SGK3: variants seen among roughly 807,000 people sequenced by gnomAD.
The protein encoded by SGK3 is serum/glucocorticoid regulated kinase family member 3.
In SGK3, 47 loss-of-function variants were observed where a neutral mutation model predicts 68.5. That is an observed-to-expected ratio of 0.69 (90% CI 0.54 to 0.87). SGK3 has a LOEUF of 0.87. Ranked by LOEUF, SGK3 falls within the 40% of genes least tolerant of loss-of-function variation. The pLI, the probability that SGK3 is intolerant of heterozygous loss-of-function variation, is 0.00. For synonymous variants in SGK3, 181 were observed against 189.1 expected, an observed-to-expected ratio of 0.96 and a Z score of 0.35; for missense variants, 479 against 575.5, an observed-to-expected ratio of 0.83 and a Z score of 1.72.
chr8:66,760,846 A>T (rs1289437504), intron 1 of SGK3, among the ~76,000 whole-genome samples: 1 of 152,124 alleles, frequency 6.6e-6, no homozygotes, highest in Admixed American at 6.6e-5. Flanking sequence ...TTTGTCACAC[A>T]GGACATTATA....
At chr8:66,792,329 C>CA (rs1215954300) in intron 1 of SGK3, among the ~76,000 whole-genome samples, 6,124 of 52,986 alleles carry the variant, frequency 0.12, 222 homozygotes, top group South Asian at 0.16. Context: ...AACTCCATCT[C>CA]AAAAAAAAAA....
chr8:66,767,618 G>A (rs774159939), intron 1 of SGK3: 1 of 1,365,384 alleles, frequency 7.3e-7, no homozygotes, highest in Non-Finnish European at 1.0e-6. Flanking sequence ...TCTTCAGGCA[G>A]GTCAAAACTC....
chr8:66,735,567 C>G (rs1805295611), intron 1 of SGK3, among the ~76,000 whole-genome samples: 1 of 152,046 alleles, frequency 6.6e-6, no homozygotes, highest in African/African-American at 2.4e-5. Context: ...TGGCATTTGC[C>G]CCTAAGCCTT....
chr8:66,750,842 C>CA (rs976625139), intron 1 of SGK3, among the ~76,000 whole-genome samples: 1 of 148,950 alleles, frequency 6.7e-6, no homozygotes, highest in African/African-American at 2.5e-5. Flanking sequence ...CCATCTCTAC[C>CA]AAAAAATATA....
At chr8:66,716,498 A>G (rs1261956689) in intron 1 of SGK3, among the ~76,000 whole-genome samples, 1 of 132,558 alleles carries the variant, frequency 7.5e-6, no homozygotes, top group Non-Finnish European at 1.5e-5. Context: ...AAACCTGCCT[A>G]AGTTCACCTC....
intron 1 of SGK3, among the ~76,000 whole-genome samples, chr8:66,768,707 G>C (rs1486628263): frequency 6.6e-6 from 1 of 152,104 alleles, no homozygotes. Context: ...TGGAATTACT[G>C]GCGTGTGCCA....
At chr8:66,721,656 A>G (rs997100963) in intron 1 of SGK3, among the ~76,000 whole-genome samples, 1 of 151,746 alleles carries the variant, frequency 6.6e-6, no homozygotes, top group Non-Finnish European at 1.5e-5. Context: ...AAGCATTGGC[A>G]TGAACTATAA....
At chr8:66,827,486 T>C (rs1294649424) in intron 6 of SGK3, among the ~76,000 whole-genome samples, 1 of 151,722 alleles carries the variant, frequency 6.6e-6, no homozygotes, top group Non-Finnish European at 1.5e-5. Context: ...ATATATTATA[T>C]AGAACACTAG....
At chr8:66,828,576 T>A in intron 6 of SGK3, 78 bp from the exon 7 acceptor site, 1 of 1,596,564 alleles carries the variant, frequency 6.3e-7, no homozygotes, top group South Asian at 1.1e-5. Flanking sequence ...GGTACAGTTA[T>A]AAATACTTTA....
chr8:66,747,816 T>G (rs1805695064), intron 1 of SGK3, among the ~76,000 whole-genome samples: 1 of 152,218 alleles, frequency 6.6e-6, no homozygotes, highest in African/African-American at 2.4e-5. Context: ...TCTTTTAAAC[T>G]TTTAGCCACT....
In SGK3 at chr8:66,839,845, G is replaced by A. The variant is rs555328090; in HGVS notation, c.742-158G>A. The A allele has an allele frequency of 7.4e-4, 460 of 619,022 alleles. 3 individuals carry two copies. The South Asian group carries it at 0.01, about 14-fold the overall frequency. 38.3% of individuals were successfully genotyped at this position (619,022 alleles called of 1,614,324 possible). ...TTGTTAGGTGGGGACATGGATGAAG[G>A]GGAGTCACATTTCTGTGCCTTGTTA... is the stretch of plus-strand genomic sequence containing the variant. On this transcript the variant is annotated intron_variant, in intron 10 of 16. Transcript: ENST00000521198.
chr8:66,822,462 A>G lies in SGK3; in HGVS notation c.417+3A>G. 4 of 1,610,442 alleles carry G rather than the reference A, an allele frequency of 2.5e-6. No homozygotes were observed. Among genetic ancestry groups the G allele is most frequent in the East Asian group, 2.2e-5 (1 of 44,732 alleles). On this transcript the variant is annotated splice_donor_region_variant and intron_variant, in intron 6 of 16. Transcript: ENST00000521198. ...AGGATGAAAGAAGTTCTCAGAAGGT[A>G]GTAAGAGGAATTGCCTTTCTTAATA...
intron 16 of SGK3, among the ~76,000 whole-genome samples, chr8:66,853,588 A>G (rs888971888): frequency 2.0e-5 from 3 of 152,224 alleles, no homozygotes; most frequent in African/African-American, 4.8e-5. Flanking sequence ...TTCAAAATCT[A>G]ACAGGTTGCA....
chr8:66,770,309 C>A (rs1806466900), intron 1 of SGK3, among the ~76,000 whole-genome samples: 1 of 152,146 alleles, frequency 6.6e-6, no homozygotes, highest in Non-Finnish European at 1.5e-5. Flanking sequence ...TCTTTGCATG[C>A]CTTGTAATAC....
chr8:66,731,860 T>C (rs1488564209), intron 1 of SGK3, among the ~76,000 whole-genome samples: 1 of 152,188 alleles, frequency 6.6e-6, no homozygotes, highest in Admixed American at 6.5e-5. Context: ...ATGTAACTTA[T>C]GTTTAGTGGT....
chr8:66,761,811 C>T (rs1316829301), intron 1 of SGK3, among the ~76,000 whole-genome samples: 3 of 152,002 alleles, frequency 2.0e-5, no homozygotes, highest in Non-Finnish European at 4.4e-5. Context: ...AAAAAACCCA[C>T]CTTTTTATTA....
intron 3 of SGK3, among the ~76,000 whole-genome samples, chr8:66,800,714 A>G (rs1005485312): frequency 3.9e-4 from 60 of 152,198 alleles, no homozygotes; most frequent in African/African-American, 1.4e-3. Context: ...CTAATATTCA[A>G]ATCACTTGCT....
At chr8:66,839,918 G>A (rs1809729829) in intron 10 of SGK3, 85 bp from the exon 11 acceptor site, 1 of 1,266,902 alleles carries the variant, frequency 7.9e-7, no homozygotes, top group Non-Finnish European at 1.1e-6. Context: ...TCCTACCTTT[G>A]TATTTACCGA....
intron 3 of SGK3, 101 bp downstream of exon 3, chr8:66,798,726 AAT>A (rs1353873848): frequency 1.0e-6 from 1 of 982,898 alleles, no homozygotes; most frequent in Non-Finnish European, 1.5e-6. Flanking sequence ...CTCATATGTT[AAT>A]ATGTCAGACA....
Sources: allele counts gnomAD v4.1 joint callset (sites outside exome capture counted in the v4.1 genomes callset), GRCh38; gene constraint gnomAD v4.1.1; transcripts MANE v1.5; gene names NCBI Gene and HGNC (gene_info 2026-07-23, HGNC 2026-07-21).